IRAG2: variants seen among roughly 807,000 people sequenced by gnomAD.
IRAG2 encodes the protein lymphoid restricted membrane protein.
Under a neutral mutation model 69.9 loss-of-function variants are expected in IRAG2, and 45 were observed. The observed-to-expected ratio is 0.64, with a 90% CI of 0.51 to 0.83. IRAG2 has a LOEUF of 0.83. Ranked by LOEUF, IRAG2 falls within the 40% of genes least tolerant of loss-of-function variation. IRAG2 has a pLI of 0.00. For missense variants in IRAG2, 520 were observed against 587.0 expected (o/e 0.89, Z 1.18); for synonymous variants, 193 against 202.4 (o/e 0.95, Z 0.40).
At position 25,101,188 on chromosome 12, in the gene IRAG2, T is replaced by C; in HGVS notation, c.752T>C (p.Val251Ala). ...MLGAINQESR[V>A]SKAVEVMIQH... ...TTTTTCTCTTGCTAGGAAAGCCGGG[T>C]TAGTAAAGCAGTTGAAGTGATGATT... The change falls in exon 16 of 22, where the codon GTT becomes GCT. Residue 251 changes from valine to alanine, a missense_variant. Physicochemically the swap from Val to Ala is moderately conservative, Grantham distance 64 (BLOSUM62 0). Coordinates refer to ENST00000556887, the MANE Select transcript of IRAG2 (RefSeq NM_001366544.2). 1.3e-6 allele frequency: 2 copies of C among 1,598,794 alleles called. No homozygotes were observed. The highest frequency in any genetic ancestry group is 2.3e-5 in the South Asian group (2 of 88,362).
chr12:25,085,505 G>T (rs1271058927), intron 10 of IRAG2, among the ~76,000 whole-genome samples: 2 of 152,116 alleles, frequency 1.3e-5, no homozygotes, highest in Admixed American at 1.3e-4. Flanking sequence ...CAGTCTGCTG[G>T]TCTGCCAGTG....
chr12:25,070,420 C>T (rs1489311244), intron 6 of IRAG2, among the ~76,000 whole-genome samples: 1 of 152,192 alleles, frequency 6.6e-6, no homozygotes, highest in Non-Finnish European at 1.5e-5. Flanking sequence ...TCAAGGTTCT[C>T]AGCATAAGGT....
chr12:25,015,971 G>A, intron 5 of IRAG2, among the ~76,000 whole-genome samples: 1 of 152,076 alleles, frequency 6.6e-6, no homozygotes, highest in Non-Finnish European at 1.5e-5. Flanking sequence ...CGAGGCGGAT[G>A]GATCACTTGA....
upstream of IRAG2, among the ~76,000 whole-genome samples, chr12:25,000,729 C>A (rs530245782): frequency 2.0e-5 from 3 of 152,340 alleles, no homozygotes; most frequent in African/African-American, 7.2e-5. Context: ...TACAAGTGTA[C>A]CATCTTTATG....
Position 25,052,720 on chromosome 12 carries a change from C to T in IRAG2, c.-683C>T. Reference sequence around the variant, plus strand: ...AACACATTTTCAGTTTTGCCTGCATCATAAGAGTGAGCACTCCATTGCTTT... The same window carrying T: ...AACACATTTTCAGTTTTGCCTGCATTATAAGAGTGAGCACTCCATTGCTTT... On this transcript the variant is annotated 5_prime_UTR_variant, in exon 1 of 22. Coordinates refer to ENST00000556887, the MANE Select transcript of IRAG2 (RefSeq NM_001366544.2). 2.5e-6 allele frequency: 1 copy of T among 398,344 alleles called. No individual in the cohort carries two copies. Among genetic ancestry groups the T allele is most frequent in the Non-Finnish European group, 4.4e-6 (1 of 226,044 alleles). The allele number at this position is 398,344 out of a possible 1,614,324, so 24.7% of individuals were successfully genotyped here.
upstream of IRAG2, chr12:25,004,272 CT>C: frequency 9.4e-7 from 1 of 1,064,312 alleles, no homozygotes; most frequent in Non-Finnish European, 1.2e-6. Flanking sequence ...AAAATACTGA[CT>C]TTTAAACATG....
At chr12:25,020,196 A>G (rs1032067018) in intron 6 of IRAG2, among the ~76,000 whole-genome samples, 4 of 152,212 alleles carry the variant, frequency 2.6e-5, no homozygotes, top group African/African-American at 9.7e-5. Flanking sequence ...CATGATATGG[A>G]TTACCATAAT....
intron 16 of IRAG2, among the ~76,000 whole-genome samples, chr12:25,044,495 A>T (rs1944776651): frequency 6.6e-6 from 1 of 152,166 alleles, no homozygotes; most frequent in African/African-American, 2.4e-5. Context: ...ATTAAATTTT[A>T]AAAAGCCCAG....
chr12:25,004,479 T>C (rs1591920331), exon 1 of IRAG2: 2 of 1,232,168 alleles, frequency 1.6e-6, no homozygotes, highest in East Asian at 6.3e-5. Context: ...CTAGCAGTTT[T>C]GATAGCCCAC....
chr12:25,040,733 A>G (rs1372527491), intron 16 of IRAG2, among the ~76,000 whole-genome samples: 1 of 152,140 alleles, frequency 6.6e-6, no homozygotes, highest in East Asian at 1.9e-4. Flanking sequence ...AGAGGCATGG[A>G]CAGGAAAGTT....
At chr12:25,050,098 G>T (rs1026706531), upstream of IRAG2, among the ~76,000 whole-genome samples, 7 of 150,422 alleles carry the variant, frequency 4.7e-5, no homozygotes, top group African/African-American at 1.2e-4. Flanking sequence ...ACTCCATCCA[G>T]CCTGGGTGAC....
chr12:25,084,543 GTGT>G (rs1416198603), intron 10 of IRAG2, among the ~76,000 whole-genome samples: 17 of 133,146 alleles, frequency 1.3e-4, no homozygotes, highest in African/African-American at 5.5e-4. Context: ...ATGGAGGGGT[GTGT>G]GTGTGTGTGT....
intron 4 of IRAG2, among the ~76,000 whole-genome samples, chr12:25,064,476 A>G (rs1408413749): frequency 6.6e-6 from 1 of 152,192 alleles, no homozygotes; most frequent in African/African-American, 2.4e-5. Context: ...GGTCAAATTT[A>G]TACTCAATGC....
chr12:25,005,204 G>T, intron 1 of IRAG2: 2 of 962,562 alleles, frequency 2.1e-6, no homozygotes, highest in Non-Finnish European at 2.7e-6. Flanking sequence ...TTATAGCACA[G>T]AAAGCATCAG....
intron 14 of IRAG2, among the ~76,000 whole-genome samples, chr12:25,095,945 G>A (rs1366523662): frequency 2.6e-5 from 4 of 152,150 alleles, no homozygotes; most frequent in Admixed American, 2.6e-4. Context: ...GTAAGAAACT[G>A]CATGTCTGAC....
chr12:25,023,126 C>CA (rs139607228), intron 7 of IRAG2, among the ~76,000 whole-genome samples: 135 of 112,490 alleles, frequency 1.2e-3, no homozygotes, highest in African/African-American at 2.3e-3. Context: ...GACTTCGTCT[C>CA]AAAAAAAAAA....
intron 10 of IRAG2, among the ~76,000 whole-genome samples, chr12:25,084,012 T>A (rs1444419554): frequency 7.0e-6 from 1 of 142,962 alleles, no homozygotes; most frequent in Non-Finnish European, 1.5e-5. Flanking sequence ...ATTGAAAGTT[T>A]TACAGTTGCA....
At chr12:25,026,481 G>A (rs1033840921) in intron 8 of IRAG2, among the ~76,000 whole-genome samples, 1 of 152,182 alleles carries the variant, frequency 6.6e-6, no homozygotes, top group Non-Finnish European at 1.5e-5. Flanking sequence ...TAATGAAAAG[G>A]TGGTCGGATC....
intron 19 of IRAG2, 72 bp downstream of exon 19, chr12:25,104,130 C>A: frequency 8.1e-7 from 1 of 1,232,518 alleles, no homozygotes. Flanking sequence ...AATGAGTGCT[C>A]AAATTAAGTG....
Sources: gnomAD v4.1 joint callset for allele counts (sites outside exome capture counted in the v4.1 genomes callset) on GRCh38, gnomAD v4.1.1 for gene constraint, MANE v1.5 for transcripts, NCBI Gene and HGNC (gene_info 2026-07-23, HGNC 2026-07-21) for gene names.